The following PDZRN4 variants were observed in gnomAD, a reference collection of about 807,000 sequenced individuals.
PDZRN4 encodes PDZ domain containing ring finger 4, also known as PDZ domain-containing RING finger protein 4.
In PDZRN4, 70 loss-of-function variants were observed where a neutral mutation model predicts 99.0. The observed-to-expected ratio is 0.71, with a 90% confidence interval of 0.58 to 0.86. The LOEUF is 0.86. Among genes scored for constraint, PDZRN4 ranks in the 40% least tolerant of loss-of-function variants. The pLI, the probability that PDZRN4 is intolerant of heterozygous loss-of-function variation, is 0.00. For missense variants in PDZRN4, 1,474 were observed against 1,331.2 expected (o/e 1.11, Z -1.67); for synonymous variants, 551 against 501.6 (o/e 1.10, Z -1.32).
At chr12:41,390,584 GC>G (rs1466697262) in intron 3 of PDZRN4, among the ~76,000 whole-genome samples, 1 of 105,660 alleles carries the variant, frequency 9.5e-6, no homozygotes, top group African/African-American at 3.6e-5. Flanking sequence ...AAAAGTAAAA[GC>G]TTTTTTTATA....
chr12:41,205,402 T>G (rs1950842103), intron 3 of PDZRN4, among the ~76,000 whole-genome samples: 1 of 151,856 alleles, frequency 6.6e-6, no homozygotes, highest in Non-Finnish European at 1.5e-5. Flanking sequence ...GTAAGGTTCT[T>G]AAGCTATTCA....
intron 8 of PDZRN4, among the ~76,000 whole-genome samples, chr12:41,565,118 C>G (rs1452342038): frequency 6.6e-6 from 1 of 152,066 alleles, no homozygotes; most frequent in East Asian, 1.9e-4. Flanking sequence ...TGGGTAGAAC[C>G]AGTGGAAAAT....
rs1031609441 is a variant in PDZRN4, at chr12:41,258,973, G to A, written c.843+64785G>A. ...CACTAGTAAGTAGTACATGGCGGGG[G>A]GGCACTACAATTCATTAACACTCTC... On this transcript the variant is annotated intron_variant, in intron 3 of 9. Coordinates refer to ENST00000402685, the MANE Select transcript of PDZRN4 (RefSeq NM_001164595.2). 1.6e-4 allele frequency among the ~76,000 whole-genome samples: 25 copies of A among 151,850 alleles called. 1 individual carries two copies. Among genetic ancestry groups the A allele is most frequent in the Admixed American group, 1.6e-3 (25 of 15,234 alleles).
chr12:41,313,840 C>A (rs1565549107), intron 3 of PDZRN4, among the ~76,000 whole-genome samples: 1 of 152,168 alleles, frequency 6.6e-6, no homozygotes, highest in Non-Finnish European at 1.5e-5. Flanking sequence ...TTTTGAACAC[C>A]TTTAATTTCA....
intron 3 of PDZRN4, among the ~76,000 whole-genome samples, chr12:41,332,162 A>G (rs1951744701): frequency 6.6e-6 from 1 of 152,070 alleles, no homozygotes; most frequent in Admixed American, 6.6e-5. Flanking sequence ...TTCTCCAGTT[A>G]CACTCAAGTA....
At chr12:41,506,823 TC>T in intron 4 of PDZRN4, 111 bp downstream of exon 4, 1 of 1,215,132 alleles carries the variant, frequency 8.2e-7, no homozygotes, top group Non-Finnish European at 1.1e-6. Flanking sequence ...GAGACAGGCT[TC>T]CCAGCTCCGT....
chr12:41,516,770 C>CT (rs34600941), intron 5 of PDZRN4, among the ~76,000 whole-genome samples: 225 of 143,956 alleles, frequency 1.6e-3, no homozygotes, highest in East Asian at 3.3e-3. Flanking sequence ...TGAATAGCAG[C>CT]TTTTTTTTTT....
intron 3 of PDZRN4, among the ~76,000 whole-genome samples, chr12:41,402,221 C>T (rs55773971): frequency 0.015 from 10 of 652 alleles, no homozygotes; most frequent in African/African-American, 0.054. Flanking sequence ...TATATATACA[C>T]ACACACTGAG....
chr12:41,432,662 G>A (rs1029710120), intron 3 of PDZRN4, among the ~76,000 whole-genome samples: 1 of 152,188 alleles, frequency 6.6e-6, no homozygotes, highest in African/African-American at 2.4e-5. Flanking sequence ...TGATGTGAAG[G>A]AGAAGTAATT....
intron 5 of PDZRN4, among the ~76,000 whole-genome samples, chr12:41,526,120 T>C (rs1364539662): frequency 6.6e-6 from 1 of 152,186 alleles, no homozygotes; most frequent in East Asian, 1.9e-4. Context: ...GCCTCCATAA[T>C]ACCACACTGC....
rs533970954 is a variant in PDZRN4, at chr12:41,312,135, GCA to G, written c.843+117950_843+117951del. 1.8e-3 allele frequency among the ~76,000 whole-genome samples: 281 copies of G among 152,020 alleles called. 3 individuals carry two copies. Among genetic ancestry groups the G allele is most frequent in the African/African-American group, 6.4e-3 (266 of 41,478 alleles). ...AAATAGTATTACTTAAAATACATGTGCACAGTGCATTCCATTTTGTCCAAAAT... is the reference window on the plus strand; with the variant it reads ...AAATAGTATTACTTAAAATACATGTGCAGTGCATTCCATTTTGTCCAAAAT... On this transcript the variant is annotated intron_variant, in intron 3 of 9. Transcript: ENST00000402685.
chr12:41,382,341 G>A (rs1156480141), intron 3 of PDZRN4, among the ~76,000 whole-genome samples: 2 of 152,150 alleles, frequency 1.3e-5, no homozygotes, highest in Non-Finnish European at 1.5e-5. Flanking sequence ...TTTGGGTATG[G>A]TCACTGACTA....
At chr12:41,267,287 T>A (rs1951284444) in intron 3 of PDZRN4, among the ~76,000 whole-genome samples, 1 of 152,162 alleles carries the variant, frequency 6.6e-6, no homozygotes, top group Non-Finnish European at 1.5e-5. Context: ...GTGGCAGACA[T>A]TGCTAATTGA....
Position 41,315,126 on chromosome 12 carries a change from T to C in PDZRN4, c.843+120938T>C, listed in dbSNP as rs11180782. Among the ~76,000 whole-genome samples the C allele has an allele frequency of 4.4e-3, 664 of 152,250 alleles. 27 individuals are homozygous for C. In the East Asian group the frequency reaches 0.095, roughly 22 times the overall value. ...GAATTCCACTCAGTTATATTATCCATATTTTCAGTCTGAAAGCTTATGAAG... is the reference window on the plus strand; with the variant it reads ...GAATTCCACTCAGTTATATTATCCACATTTTCAGTCTGAAAGCTTATGAAG... On this transcript the variant is annotated intron_variant, in intron 3 of 9. Coordinates refer to ENST00000402685, the MANE Select transcript of PDZRN4 (RefSeq NM_001164595.2).
intron 3 of PDZRN4, among the ~76,000 whole-genome samples, chr12:41,352,830 T>C (rs1267041870): frequency 6.6e-6 from 1 of 152,150 alleles, no homozygotes; most frequent in Non-Finnish European, 1.5e-5. Flanking sequence ...ATAGTCTTTA[T>C]TGTCATGATG....
rs35906953 is a variant in PDZRN4 at position 41,225,435 on chromosome 12, G to GTT, written c.843+31256_843+31257dup. ...TATAATTCACTTTATATTACACTGT[G>GTT]TTTTTTTTTTCTGATGTCATCTGTC... is the stretch of plus-strand genomic sequence containing the variant. On this transcript the variant is annotated intron_variant, in intron 3 of 9. Coordinates refer to ENST00000402685, the MANE Select transcript of PDZRN4 (RefSeq NM_001164595.2). Among the ~76,000 whole-genome samples, 492 of 148,990 alleles carry GTT rather than the reference G, an allele frequency of 3.3e-3. 1 individual carries two copies. The highest frequency in any genetic ancestry group is 7.0e-3 in the Middle Eastern group (2 of 284).
At chr12:41,236,106 AGTTT>A (rs1226043679) in intron 3 of PDZRN4, among the ~76,000 whole-genome samples, 4 of 152,198 alleles carry the variant, frequency 2.6e-5, no homozygotes, top group African/African-American at 9.6e-5. Flanking sequence ...GTGATTGAAT[AGTTT>A]CTAACCAAAG....
chr12:41,311,021 A>G lies in PDZRN4; in HGVS notation c.843+116833A>G, dbSNP rs1190872986. Among the ~76,000 whole-genome samples the G allele has an allele frequency of 2.0e-5, 3 of 152,126 alleles. No homozygotes were observed. The East Asian group carries it at 5.8e-4, about 29-fold the overall frequency. On this transcript the variant is annotated intron_variant, in intron 3 of 9. Coordinates refer to ENST00000402685, the MANE Select transcript of PDZRN4 (RefSeq NM_001164595.2). ...TAATGCATTTACTTCAGCACAGATA[A>G]CAACTATTAAAAAATCTTTTTCATA...
At chr12:41,572,161 T>C (rs890772521) in intron 9 of PDZRN4, among the ~76,000 whole-genome samples, 1 of 152,184 alleles carries the variant, frequency 6.6e-6, no homozygotes, top group African/African-American at 2.4e-5. Context: ...TTCAAGCGGG[T>C]TTTGTTTTCT....
Sources: allele counts gnomAD v4.1 joint callset (sites outside exome capture counted in the v4.1 genomes callset), GRCh38; gene constraint gnomAD v4.1.1; transcripts MANE v1.5; gene names NCBI Gene and HGNC (gene_info 2026-07-23, HGNC 2026-07-21).